COL13A1: variants seen among roughly 807,000 people sequenced by gnomAD.
COL13A1 encodes the protein collagen type XIII alpha 1 chain, also known as collagen alpha-1(XIII) chain.
COL13A1 carries 89 observed loss-of-function variants against 130.9 expected under a neutral mutation model. The observed-to-expected ratio is 0.68, with a 90% CI of 0.57 to 0.81. The LOEUF is 0.81. Among genes scored for constraint, COL13A1 ranks in the 30% least tolerant of loss-of-function variants. COL13A1 has a pLI of 0.00. For missense variants in COL13A1, 879 were observed against 934.6 expected (o/e 0.94, Z 0.78); for synonymous variants, 402 against 341.6 (o/e 1.18, Z -1.95).
At chr10:69,929,761 G>A (rs2065864331) in intron 28 of COL13A1, among the ~76,000 whole-genome samples, 1 of 152,206 alleles carries the variant, frequency 6.6e-6, no homozygotes, top group South Asian at 2.1e-4. Context: ...AGCAGTGGGA[G>A]GTTGTGGCTA....
intron 7 of COL13A1, among the ~76,000 whole-genome samples, chr10:69,882,053 T>C (rs2060193022): frequency 6.6e-6 from 1 of 152,206 alleles, no homozygotes; most frequent in Admixed American, 6.5e-5. Context: ...GCCTCCTGTG[T>C]CCTGGAGGAG....
intron 12 of COL13A1, among the ~76,000 whole-genome samples, chr10:69,895,122 G>A (rs983814417): frequency 3.9e-5 from 6 of 152,206 alleles, no homozygotes; most frequent in South Asian, 2.1e-4. Flanking sequence ...CCCTTGGGCC[G>A]CTGGTACAGG....
intron 6 of COL13A1, among the ~76,000 whole-genome samples, chr10:69,878,303 C>T (rs2059806242): frequency 6.6e-6 from 1 of 152,204 alleles, no homozygotes; most frequent in South Asian, 2.1e-4. Flanking sequence ...TCTTCCCTGC[C>T]TTGCCCTGCC....
intron 17 of COL13A1, among the ~76,000 whole-genome samples, chr10:69,912,128 C>A (rs970943176): frequency 4.6e-5 from 7 of 152,160 alleles, no homozygotes; most frequent in Non-Finnish European, 7.3e-5. Flanking sequence ...CTAAAGCGAC[C>A]CCAGCCCCCA....
chr10:69,952,893 G>A lies in COL13A1; in HGVS notation c.2070G>A (p.Gly690=), dbSNP rs1030429458. The change falls in exon 39 of 41, where the codon GGG becomes GGA. Residue 690 remains glycine (G), a synonymous_variant. Transcript: ENST00000645393. The part of the protein sequence containing the change: ...PGDKGNRGER[G]KKGSRGPKGD... Reference sequence around the variant, plus strand: ...ACCATTATTTACAGGGGGAGAGGGGGAAGAAAGGCTCTAGAGGGCCTAAAG... The same window carrying A: ...ACCATTATTTACAGGGGGAGAGGGGAAAGAAAGGCTCTAGAGGGCCTAAAG... 8 of 1,552,258 alleles carry A rather than the reference G, an allele frequency of 5.2e-6. No homozygotes were observed. The highest frequency in any genetic ancestry group is 6.0e-6 in the Non-Finnish European group (7 of 1,158,376).
Position 69,902,624 on chromosome 10 carries a change from C to T in COL13A1, c.751-124C>T, listed in dbSNP as rs41277960. On this transcript the variant is annotated intron_variant, in intron 14 of 40. Transcript: ENST00000645393. ...TCACCATCATGCCACCGCTTCCTCC[C>T]CCCATCACCACTCCTTCCCGGCAGA... The T allele has an allele frequency of 1.0e-5, 7 of 697,614 alleles. No individual in the cohort carries two copies. The South Asian group carries it at 1.4e-4, about 14-fold the overall frequency. The allele number at this position is 697,614 out of a possible 1,614,324, so 43.2% of individuals were successfully genotyped here. A position where few individuals can be genotyped will look rare whatever the true frequency, so the allele number is the denominator to read the frequency against.
intron 1 of COL13A1, among the ~76,000 whole-genome samples, chr10:69,814,884 T>G (rs1307704653): frequency 6.6e-6 from 1 of 152,262 alleles, no homozygotes; most frequent in Admixed American, 6.5e-5. Context: ...AAATCAATTA[T>G]TAAATGATAT....
At chr10:69,839,756 G>A (rs1851087749) in intron 2 of COL13A1, among the ~76,000 whole-genome samples, 1 of 148,686 alleles carries the variant, frequency 6.7e-6, no homozygotes, top group African/African-American at 2.5e-5. Flanking sequence ...GAAGAGAAAG[G>A]TCAGAGTGTG....
intron 12 of COL13A1, among the ~76,000 whole-genome samples, chr10:69,895,153 G>C (rs1198754040): frequency 6.6e-6 from 1 of 152,256 alleles, no homozygotes; most frequent in Non-Finnish European, 1.5e-5. Context: ...TCCCAGCTCA[G>C]AGAAGGTGGC....
intron 2 of COL13A1, among the ~76,000 whole-genome samples, chr10:69,823,187 G>A (rs574284446): frequency 1.3e-5 from 2 of 152,362 alleles, no homozygotes; most frequent in South Asian, 4.1e-4. Context: ...GCACCATGCA[G>A]TGTGTCGGGT....
chr10:69,945,208 C>T (rs1029205131), intron 36 of COL13A1, among the ~76,000 whole-genome samples: 4 of 152,260 alleles, frequency 2.6e-5, no homozygotes, highest in Admixed American at 6.5e-5. Context: ...ACCTTGCTGG[C>T]TCTGTCTCAG....
intron 6 of COL13A1, chr10:69,879,369 C>T (rs1263429024): frequency 6.6e-6 from 1 of 152,212 alleles, no homozygotes; most frequent in East Asian, 1.9e-4. Flanking sequence ...TTCACATCCA[C>T]CCTATGAGAC....
intron 1 of COL13A1, among the ~76,000 whole-genome samples, chr10:69,813,943 C>T (rs1386185422): frequency 6.6e-6 from 1 of 152,230 alleles, no homozygotes; most frequent in South Asian, 2.1e-4. Context: ...CAAAGCCCAC[C>T]TCCTCCTGGG....
intron 2 of COL13A1, among the ~76,000 whole-genome samples, chr10:69,860,408 C>G (rs1354873435): frequency 6.6e-6 from 1 of 152,220 alleles, no homozygotes; most frequent in African/African-American, 2.4e-5. Context: ...CTTCTTTACC[C>G]CCTCATACCG....
intron 9 of COL13A1, among the ~76,000 whole-genome samples, chr10:69,888,560 C>A (rs7100913): frequency 2.0e-5 from 3 of 152,046 alleles, no homozygotes; most frequent in Non-Finnish European, 4.4e-5. Flanking sequence ...GAAGTCCAGG[C>A]GAGAGCCATC....
At chr10:69,917,653 T>A (rs1028936446) in intron 18 of COL13A1, among the ~76,000 whole-genome samples, 1 of 151,374 alleles carries the variant, frequency 6.6e-6, no homozygotes, top group South Asian at 2.1e-4. Context: ...TTGGGCATCA[T>A]CTATCTCTCA....
chr10:69,815,867 C>T (rs1414489149), intron 1 of COL13A1, among the ~76,000 whole-genome samples: 1 of 142,616 alleles, frequency 7.0e-6, no homozygotes, highest in African/African-American at 2.7e-5. Context: ...TACAAAGAGA[C>T]AATAAGTAAG....
intron 31 of COL13A1, among the ~76,000 whole-genome samples, chr10:69,935,012 C>A (rs2066640257): frequency 6.6e-6 from 1 of 152,012 alleles, no homozygotes. Flanking sequence ...TCTAATTCCA[C>A]TCCAGGCTGT....
At chr10:69,936,153 G>C (rs1221944052) in intron 32 of COL13A1, among the ~76,000 whole-genome samples, 2 of 7,736 alleles carry the variant, frequency 2.6e-4, no homozygotes, top group East Asian at 8.9e-3. Context: ...AGGAAGGAAG[G>C]AAGGAAGGAA....
Sources: allele counts gnomAD v4.1 joint callset (sites outside exome capture counted in the v4.1 genomes callset), GRCh38; gene constraint gnomAD v4.1.1; transcripts MANE v1.5; gene names NCBI Gene and HGNC (gene_info 2026-07-23, HGNC 2026-07-21).